The following VAV2 variants were observed in gnomAD, a reference collection of about 807,000 sequenced individuals.
VAV2 encodes vav guanine nucleotide exchange factor 2, also known as guanine nucleotide exchange factor VAV2.
VAV2 carries 67 observed loss-of-function variants against 132.5 expected under a neutral mutation model. That is an observed-to-expected ratio of 0.51 (90% CI 0.42 to 0.62). The LOEUF (loss-of-function observed/expected upper bound fraction) is 0.62. Among genes scored for constraint, VAV2 ranks in the 20% least tolerant of loss-of-function variants. The pLI, the probability that VAV2 is intolerant of heterozygous loss-of-function variation, is 0.00. For synonymous variants in VAV2, 492 were observed against 443.5 expected, an observed-to-expected ratio of 1.11 and a Z score of -1.37; for missense variants, 938 against 1,153.6, an observed-to-expected ratio of 0.81 and a Z score of 2.71.
At chr9:133,937,857 T>TG (rs1840983308) in intron 2 of VAV2, among the ~76,000 whole-genome samples, 4 of 152,158 alleles carry the variant, frequency 2.6e-5, no homozygotes, top group Admixed American at 2.6e-4. Context: ...GTGAGTCATT[T>TG]AAGGGACACA....
At chr9:133,781,144 C>G (rs941161631) in intron 19 of VAV2, among the ~76,000 whole-genome samples, 1 of 152,166 alleles carries the variant, frequency 6.6e-6, no homozygotes, top group African/African-American at 2.4e-5. Flanking sequence ...CTGCCACAAC[C>G]GCTTAGTGAT....
rs1358259241 is a variant in VAV2, at chr9:133,926,500, C to T, written c.321+12603G>A. Among the ~76,000 whole-genome samples the T allele has an allele frequency of 2.0e-5, 3 of 152,252 alleles. No homozygotes were observed. The highest frequency in any genetic ancestry group is 3.9e-4 in the East Asian group (2 of 5,182). On this transcript the variant is annotated intron_variant, in intron 2 of 29. Coordinates refer to ENST00000371850, the MANE Select transcript of VAV2 (RefSeq NM_001134398.2). This position sits in a 1 kb window ranked among gnomAD's most constrained non-coding sequence, Gnocchi z 4.3. Reference sequence around the variant, plus strand: ...AGCACCCCAAATCTCTCTGGTAGGGCTCTCTGGCACTGCCCTAGCTCCTGC... The same window carrying T: ...AGCACCCCAAATCTCTCTGGTAGGGTTCTCTGGCACTGCCCTAGCTCCTGC...
At chr9:133,800,316 G>A (rs1834881217) in intron 9 of VAV2, among the ~76,000 whole-genome samples, 1 of 152,252 alleles carries the variant, frequency 6.6e-6, no homozygotes, top group Admixed American at 6.5e-5. Flanking sequence ...TCTAGGTGGG[G>A]AAGCCAGGGC....
chr9:133,859,479 C>T lies in VAV2; in HGVS notation c.380+1895G>A, dbSNP rs187131183. On this transcript the variant is annotated intron_variant, in intron 3 of 29. Transcript: ENST00000371850. ...GAACAGAATCAGGTCACTCGTCTGA[C>T]GTGGGGTCTGCGGCACCAGGCCTCC... 7.9e-5 allele frequency among the ~76,000 whole-genome samples: 12 copies of T among 152,298 alleles called. No individual in the cohort carries two copies. The East Asian group carries it at 1.5e-3, about 20-fold the overall frequency.
intron 2 of VAV2, among the ~76,000 whole-genome samples, chr9:133,921,847 C>T (rs1588373766): frequency 6.6e-6 from 1 of 152,216 alleles, no homozygotes; most frequent in Non-Finnish European, 1.5e-5. Context: ...GTCATGGAAA[C>T]GAACCGTCAC....
At chr9:133,901,429 T>C (rs1839437823) in intron 2 of VAV2, among the ~76,000 whole-genome samples, 1 of 152,180 alleles carries the variant, frequency 6.6e-6, no homozygotes, top group Non-Finnish European at 1.5e-5. Flanking sequence ...AGGGTCTGTG[T>C]CCTCCCCGGA....
intron 13 of VAV2, among the ~76,000 whole-genome samples, chr9:133,790,190 C>T (rs771468374): frequency 2.0e-5 from 3 of 152,100 alleles, no homozygotes; most frequent in East Asian, 3.9e-4. Flanking sequence ...TTGTTGTTGT[C>T]GTTTTTGAGA....
rs1837449303 is a variant in VAV2, at chr9:133,857,988, T to A, written c.380+3386A>T. Among the ~76,000 whole-genome samples, 1 of 152,090 alleles carries A rather than the reference T, an allele frequency of 6.6e-6. No homozygotes were observed. Among genetic ancestry groups the A allele is most frequent in the Non-Finnish European group, 1.5e-5 (1 of 68,006 alleles). On this transcript the variant is annotated intron_variant, in intron 3 of 29. Coordinates refer to ENST00000371850, the MANE Select transcript of VAV2 (RefSeq NM_001134398.2). The surrounding 1 kb of genome is among the most constrained non-coding windows in gnomAD (Gnocchi z 4.0). ...CCCTTCCCTTTGGCCTGCAAACACC[T>A]CCCCTTCGTCTCTCATGTCTGCCTA...
At chr9:133,780,655 G>T in intron 20 of VAV2, 39 bp downstream of exon 20, 1 of 1,294,438 alleles carries the variant, frequency 7.7e-7, no homozygotes. Context: ...GATGTGGCGG[G>T]GGTGGGGCAG....
intron 2 of VAV2, among the ~76,000 whole-genome samples, chr9:133,929,813 G>A (rs746052418): frequency 2.6e-4 from 39 of 151,916 alleles, no homozygotes; most frequent in Non-Finnish European, 4.7e-4. Flanking sequence ...TGCCCCCAGC[G>A]GCCTGTCCCC....
At position 133,796,435 on chromosome 9, in the gene VAV2, G is replaced by A. The variant is rs777760692; in HGVS notation, c.1026C>T (p.Leu342=). Reference sequence around the variant, plus strand: ...CCGGGGCCCAGAGCCTCACCTTCAAGAGCAGGTGGTATTTGAGCACCCTCT... The same window carrying A: ...CCGGGGCCCAGAGCCTCACCTTCAAAAGCAGGTGGTATTTGAGCACCCTCT... ...PMQRVLKYHL[L]LKELLSHSAE... Residue 342 remains leucine (L), a synonymous_variant, in exon 11 of 30, where the codon CTC becomes CTT. Transcript: ENST00000371850. 1 of 1,613,216 alleles carries A rather than the reference G, an allele frequency of 6.2e-7. No individual in the cohort carries two copies. Among genetic ancestry groups the A allele is most frequent in the African/African-American group, 1.3e-5 (1 of 75,016 alleles).
chr9:133,900,847 A>G (rs1015316338), intron 2 of VAV2, among the ~76,000 whole-genome samples: 2 of 151,258 alleles, frequency 1.3e-5, no homozygotes, highest in South Asian at 4.2e-4. Flanking sequence ...CGCCCAGGCT[A>G]GAGTGCAGTG....
chr9:133,812,867 C>T (rs1244569987), intron 4 of VAV2, among the ~76,000 whole-genome samples: 2 of 152,216 alleles, frequency 1.3e-5, no homozygotes, highest in Non-Finnish European at 2.9e-5. Flanking sequence ...CGGGCCACCT[C>T]CTCCAAGACA....
chr9:133,954,609 C>A (rs556197989), intron 1 of VAV2, among the ~76,000 whole-genome samples: 8 of 152,360 alleles, frequency 5.3e-5, no homozygotes, highest in African/African-American at 1.9e-4. Flanking sequence ...CTTACATGTG[C>A]CACACACCTG....
intron 4 of VAV2, among the ~76,000 whole-genome samples, chr9:133,832,218 A>G (rs1025203311): frequency 2.6e-5 from 4 of 152,238 alleles, no homozygotes; most frequent in Non-Finnish European, 5.9e-5. Context: ...GAGACCCAAC[A>G]GAGGCATGGG....
At chr9:133,776,348 G>A (rs1833810559) in intron 23 of VAV2, among the ~76,000 whole-genome samples, 1 of 152,132 alleles carries the variant, frequency 6.6e-6, no homozygotes, top group Non-Finnish European at 1.5e-5. Context: ...CCCTGGGACA[G>A]CAAGGACCGA....
intron 4 of VAV2, among the ~76,000 whole-genome samples, chr9:133,818,167 A>G (rs7048660): frequency 0.46 from 69,582 of 151,634 alleles, 17,797 homozygotes; most frequent in African/African-American, 0.7. Flanking sequence ...GATCGAGACC[A>G]TCCTGTCTAA....
chr9:133,940,139 G>C (rs981696933), intron 1 of VAV2, among the ~76,000 whole-genome samples: 4 of 152,168 alleles, frequency 2.6e-5, no homozygotes, highest in African/African-American at 9.7e-5. Context: ...GGGAGACCAG[G>C]GTGAGTGGTT....
intron 1 of VAV2, among the ~76,000 whole-genome samples, chr9:133,940,072 G>C (rs1001476665): frequency 6.6e-6 from 1 of 152,206 alleles, no homozygotes; most frequent in Admixed American, 6.5e-5. Context: ...TGGCCCGGGG[G>C]GCACGCTCTG....
Sources: gnomAD v4.1 joint callset for allele counts (sites outside exome capture counted in the v4.1 genomes callset) on GRCh38, gnomAD v4.1.1 for gene constraint, Gnocchi (gnomAD v3.1) non-coding constraint, MANE v1.5 for transcripts, NCBI Gene and HGNC (gene_info 2026-07-23, HGNC 2026-07-21) for gene names.